The following ANXA4 variants were observed in gnomAD, a reference collection of about 807,000 sequenced individuals.
The protein encoded by ANXA4 is 35-beta calcimedin.
Under a neutral mutation model 49.8 loss-of-function variants are expected in ANXA4, and 39 were observed. The ratio of observed to expected loss-of-function variants is 0.78; its 90% CI spans 0.61 to 1.02. The LOEUF (loss-of-function observed/expected upper bound fraction) is 1.02, where lower values mean the gene tolerates loss of function less well. Ranked by LOEUF, ANXA4 falls within the 50% of genes least tolerant of loss-of-function variation. The pLI is 0.00. For missense variants in ANXA4, 360 were observed against 410.1 expected (o/e 0.88, Z 1.05); for synonymous variants, 134 against 152.5 (o/e 0.88, Z 0.89).
intron 2 of ANXA4, among the ~76,000 whole-genome samples, chr2:69,787,429 G>C (rs13428251): frequency 0.25 from 38,441 of 152,104 alleles, 4,897 homozygotes; most frequent in East Asian, 0.33. Flanking sequence ...TGCTGTGTCT[G>C]AGAGTCTGGA....
At chr2:69,735,677 C>T (rs935593075) in intron 3 of ANXA4, among the ~76,000 whole-genome samples, 9 of 152,108 alleles carry the variant, frequency 5.9e-5, no homozygotes, top group Non-Finnish European at 8.8e-5. Context: ...ATTCAGAAGT[C>T]TAGGCTAAAA....
chr2:69,677,258 T>TGCAATGG (rs1274220032), intron 2 of ANXA4, among the ~76,000 whole-genome samples: 5 of 152,130 alleles, frequency 3.3e-5, no homozygotes, highest in Non-Finnish European at 1.5e-5. Flanking sequence ...TGAGACAGAG[T>TGCAATGG]CTCACTCTGT....
upstream of ANXA4, chr2:69,643,868 T>C (rs1675881109): frequency 8.5e-7 from 1 of 1,177,614 alleles, no homozygotes; most frequent in South Asian, 4.3e-5. Context: ...CAACCGCCGT[T>C]CTGTCGCCAC....
At chr2:69,755,341 C>T (rs1671001123) in intron 1 of ANXA4, among the ~76,000 whole-genome samples, 2 of 152,142 alleles carry the variant, frequency 1.3e-5, no homozygotes, top group South Asian at 4.1e-4. Flanking sequence ...TAAAATAGGC[C>T]AGGAACAGTG....
chr2:69,737,907 A>G (rs917631523), upstream of ANXA4, among the ~76,000 whole-genome samples: 2 of 152,032 alleles, frequency 1.3e-5, no homozygotes, highest in African/African-American at 4.8e-5. Context: ...TCCTTCCCCT[A>G]CATTGTGATG....
intron 3 of ANXA4, among the ~76,000 whole-genome samples, chr2:69,792,964 A>C (rs976699046): frequency 6.6e-6 from 1 of 152,236 alleles, no homozygotes; most frequent in African/African-American, 2.4e-5. Flanking sequence ...ATAAAGAAGT[A>C]GTTTTATGGC....
At chr2:69,667,398 G>A (rs1009816457) in intron 2 of ANXA4, among the ~76,000 whole-genome samples, 2 of 151,290 alleles carry the variant, frequency 1.3e-5, no homozygotes, top group Non-Finnish European at 2.9e-5. Context: ...TGGTATTCAC[G>A]CACATGTGTG....
chr2:69,755,944 GTATT>G (rs1487597593), intron 1 of ANXA4, among the ~76,000 whole-genome samples: 1 of 152,048 alleles, frequency 6.6e-6, no homozygotes, highest in Non-Finnish European at 1.5e-5. Flanking sequence ...GCTCTCGAGG[GTATT>G]TATGTCTATT....
At chr2:69,708,155 C>T (rs1317477955) in intron 2 of ANXA4, among the ~76,000 whole-genome samples, 1 of 152,202 alleles carries the variant, frequency 6.6e-6, no homozygotes, top group Admixed American at 6.5e-5. Flanking sequence ...TTAAACACAG[C>T]TCAGGTCCTG....
chr2:69,748,935 A>G (rs1670733289), intron 1 of ANXA4, among the ~76,000 whole-genome samples: 1 of 151,670 alleles, frequency 6.6e-6, no homozygotes, highest in Non-Finnish European at 1.5e-5. Context: ...CTGGTTTCCA[A>G]CTCCTGGGCT....
intron 1 of ANXA4, among the ~76,000 whole-genome samples, chr2:69,745,330 GAGGTTCAC>G (rs1670567765): frequency 6.6e-6 from 1 of 152,148 alleles, no homozygotes; most frequent in Admixed American, 6.5e-5. Flanking sequence ...AGTTTAGGCA[GAGGTTCAC>G]AGCCCTTTTC....
chr2:69,692,738 T>C (rs2105375138), intron 2 of ANXA4, among the ~76,000 whole-genome samples: 1 of 152,334 alleles, frequency 6.6e-6, no homozygotes, highest in Middle Eastern at 3.4e-3. Context: ...CACAAGTATA[T>C]ACTGAGTATT....
At chr2:69,651,593 C>G (rs148706955) in intron 1 of ANXA4, among the ~76,000 whole-genome samples, 6 of 151,718 alleles carry the variant, frequency 4.0e-5, no homozygotes, top group Non-Finnish European at 7.4e-5. Context: ...AGCTCCGCCT[C>G]CCGGGTTCAC....
At chr2:69,686,163 C>T (rs543686650) in intron 2 of ANXA4, among the ~76,000 whole-genome samples, 7 of 151,818 alleles carry the variant, frequency 4.6e-5, no homozygotes, top group South Asian at 2.1e-4. Context: ...TTATTATTTT[C>T]GAGACAGGGT....
At chr2:69,659,764 C>T (rs538388018) in intron 2 of ANXA4, among the ~76,000 whole-genome samples, 6 of 152,212 alleles carry the variant, frequency 3.9e-5, no homozygotes, top group African/African-American at 1.2e-4. Context: ...GTAGAGCTTT[C>T]GTGCTTGCAA....
chr2:69,802,591 G>A (rs1673252487), intron 3 of ANXA4, among the ~76,000 whole-genome samples: 2 of 151,706 alleles, frequency 1.3e-5, no homozygotes. Flanking sequence ...TGCACCTGTA[G>A]TCCCAGCTAC....
At chr2:69,777,595 T>C (rs544097963) in intron 1 of ANXA4, among the ~76,000 whole-genome samples, 6 of 152,310 alleles carry the variant, frequency 3.9e-5, no homozygotes, top group South Asian at 4.1e-4. Flanking sequence ...AGTCACAATA[T>C]TATATGGCCT....
chr2:69,729,340 T>C (rs1029205244), intron 3 of ANXA4, among the ~76,000 whole-genome samples: 1 of 152,214 alleles, frequency 6.6e-6, no homozygotes, highest in Non-Finnish European at 1.5e-5. Flanking sequence ...TAATTTTCAG[T>C]GTAGTGGTCT....
chr2:69,734,788 G>A (rs1456027014), intron 3 of ANXA4, among the ~76,000 whole-genome samples: 1 of 152,158 alleles, frequency 6.6e-6, no homozygotes, highest in African/African-American at 2.4e-5. Flanking sequence ...TGTTTCTCCG[G>A]TTTTTGAGAT....
Sources: gnomAD v4.1 joint callset for allele counts (sites outside exome capture counted in the v4.1 genomes callset) on GRCh38, gnomAD v4.1.1 for gene constraint, MANE v1.5 for transcripts, NCBI Gene and HGNC (gene_info 2026-07-23, HGNC 2026-07-21) for gene names.